C18orf54: variants seen among roughly 807,000 people sequenced by gnomAD.
C18orf54 encodes the protein lung adenoma susceptibility protein 2.
C18orf54 carries 49 observed loss-of-function variants against 49.3 expected under a neutral mutation model. The observed-to-expected ratio is 0.99, with a 90% CI of 0.79 to 1.26. C18orf54 has a LOEUF of 1.26. Ranked by LOEUF, C18orf54 falls within the 50% of genes most tolerant of loss-of-function variation. The pLI is 0.00. For missense variants in C18orf54, 687 were observed against 620.6 expected, an observed-to-expected ratio of 1.11 and a Z score of -1.14; for synonymous variants, 211 against 216.6, an observed-to-expected ratio of 0.97 and a Z score of 0.23.
chr18:54,363,019 T>G, intron 5 of C18orf54, 98 bp downstream of exon 5: 2 of 1,164,998 alleles, frequency 1.7e-6, no homozygotes, highest in South Asian at 1.5e-5. Flanking sequence ...TTAATAATAT[T>G]GTAACTCCAT....
At chr18:54,358,214 AGAG>A (rs1209691750) in intron 1 of C18orf54, 139 bp downstream of exon 1, 1 of 152,646 alleles carries the variant, frequency 6.6e-6, no homozygotes, top group East Asian at 1.9e-4. Flanking sequence ...TGGCGAGGAA[AGAG>A]GAGGAGACGT....
rs143622412 is a variant in C18orf54 at position 54,370,893 on chromosome 18, G to GCTAT, written c.1327-1570_1327-1567dup. Among the ~76,000 whole-genome samples, 77 of 151,134 alleles carry GCTAT rather than the reference G, an allele frequency of 5.1e-4. 2 individuals are homozygous for GCTAT. In the East Asian group the frequency reaches 0.011, roughly 22 times the overall value. ...ATCATTTGGAGATTATGCCTCAGATGCTATCTCCCAGGGTGTAGGAGTATA... is the reference window on the plus strand; with the variant it reads ...ATCATTTGGAGATTATGCCTCAGATGCTATCTATCTCCCAGGGTGTAGGAGTATA... On this transcript the variant is annotated intron_variant, in intron 6 of 8. Coordinates refer to ENST00000620105, the MANE Select transcript of C18orf54 (RefSeq NM_001288980.2).
chr18:54,376,211 A>G (rs2089567285), intron 8 of C18orf54, among the ~76,000 whole-genome samples: 1 of 152,146 alleles, frequency 6.6e-6, no homozygotes. Flanking sequence ...TTTAAGATAT[A>G]TTTCATTAGC....
chr18:54,369,048 GA>G, intron 6 of C18orf54, among the ~76,000 whole-genome samples: 2 of 152,230 alleles, frequency 1.3e-5, no homozygotes, highest in Middle Eastern at 6.8e-3. Flanking sequence ...ATGGCACTTA[GA>G]AACTAGGATC....
At chr18:54,360,912 T>G (rs770245504) in intron 3 of C18orf54, 57 bp downstream of exon 3, 8 of 1,478,708 alleles carry the variant, frequency 5.4e-6, no homozygotes, top group East Asian at 4.5e-5. Context: ...ATTTGGGAGA[T>G]GTACTGTAGT....
In C18orf54 at chr18:54,379,499, G is replaced by GTTTTT. The variant is rs58660603; in HGVS notation, c.*1267_*1271dup. On this transcript the variant is annotated 3_prime_UTR_variant, in exon 9 of 9. Coordinates refer to ENST00000620105, the MANE Select transcript of C18orf54 (RefSeq NM_001288980.2). ...CAAACACTACAGTGAGCTCTGTGGG[G>GTTTTT]TTTTTTTTTTTTTTTTTTGCCCGTG... The GTTTTT allele has an allele frequency of 8.0e-6, 1 of 124,586 alleles. No homozygotes were observed. Among genetic ancestry groups the GTTTTT allele is most frequent in the African/African-American group, 3.0e-5 (1 of 33,316 alleles). 7.7% of individuals were successfully genotyped at this position (124,586 alleles called of 1,614,324 possible). A position where few individuals can be genotyped will look rare whatever the true frequency, so the allele number is the denominator to read the frequency against.
In C18orf54 at chr18:54,378,219, G is replaced by A. The variant is rs561960087; in HGVS notation, c.1575G>A (p.Thr525=). 5.6e-6 allele frequency: 9 copies of A among 1,613,478 alleles called. No individual in the cohort carries two copies. The highest frequency in any genetic ancestry group is 2.2e-5 in the East Asian group (1 of 44,836). Residue 525 remains threonine (T), a synonymous_variant, in exon 9 of 9, where the codon ACG becomes ACA. Transcript: ENST00000620105. Reference sequence around the variant, plus strand: ...GCCTGAGAGACCTGGTTGATGATACGAATGGAGAACGGTCACCGAAAATGT... The same window carrying A: ...GCCTGAGAGACCTGGTTGATGATACAAATGGAGAACGGTCACCGAAAATGT... The part of the protein sequence containing the change: ...LSRLRDLVDD[T]NGERSPKM
chr18:54,375,741 G>C (rs1344707032), intron 8 of C18orf54, among the ~76,000 whole-genome samples: 1 of 151,838 alleles, frequency 6.6e-6, no homozygotes. Flanking sequence ...AGTCTTACCT[G>C]TATATGGAGT....
Position 54,381,315 on chromosome 18 carries a change from C to T in C18orf54, c.*3069C>T, listed in dbSNP as rs980897627. 8.6e-4 allele frequency: 97 copies of T among 113,344 alleles called. No homozygotes were observed. Among genetic ancestry groups the T allele is most frequent in the African/African-American group, 3.6e-3 (96 of 26,484 alleles). 7.0% of individuals were successfully genotyped at this position (113,344 alleles called of 1,614,324 possible). ...CCCAGTGTATTCTGCATTGTCCTTA[C>T]CCTAGATCAGCCCCTTCTGTGTTAA... On this transcript the variant is annotated 3_prime_UTR_variant, in exon 9 of 9. Transcript: ENST00000620105.
chr18:54,378,217 A>T lies in C18orf54; in HGVS notation c.1573A>T (p.Thr525Ser). 1 of 1,613,750 alleles carries T rather than the reference A, an allele frequency of 6.2e-7. No homozygotes were observed. The highest frequency in any genetic ancestry group is 8.5e-7 in the Non-Finnish European group (1 of 1,179,780). ...LSRLRDLVDD[T>S]NGERSPKM ...TCGCCTGAGAGACCTGGTTGATGATACGAATGGAGAACGGTCACCGAAAAT... is the reference window on the plus strand; with the variant it reads ...TCGCCTGAGAGACCTGGTTGATGATTCGAATGGAGAACGGTCACCGAAAAT... The change falls in exon 9 of 9, where the codon ACG becomes TCG. Residue 525 changes from threonine to serine, a missense_variant. By Grantham distance (58) the Thr-to-Ser change is moderately conservative (BLOSUM62 1). Transcript: ENST00000620105.
chr18:54,361,562 C>T (rs1176107515), intron 3 of C18orf54, 81 bp from the exon 4 acceptor site: 1 of 1,272,250 alleles, frequency 7.9e-7, no homozygotes, highest in African/African-American at 1.5e-5. Context: ...CAAAATGCCT[C>T]TTAAATTCTT....
intron 6 of C18orf54, 80 bp from the exon 7 acceptor site, chr18:54,372,386 G>T: frequency 1.6e-6 from 2 of 1,225,696 alleles, no homozygotes; most frequent in Admixed American, 2.9e-5. Context: ...TTTTCTATTG[G>T]GGAAATTAAT....
chr18:54,360,533 T>A lies in C18orf54; in HGVS notation c.-40T>A. On this transcript the variant is annotated 5_prime_UTR_variant, in exon 3 of 9. Transcript: ENST00000620105. ...TTTCGTTTTTGTATTACAGTTGTTT[T>A]TAAGGGAAATGAATAGAAACAATCC... The A allele has an allele frequency of 6.3e-7, 1 of 1,592,862 alleles. No individual in the cohort carries two copies. The highest frequency in any genetic ancestry group is 8.6e-7 in the Non-Finnish European group (1 of 1,168,440).
Position 54,381,529 on chromosome 18 carries a change from C to G in C18orf54, c.*3283C>G, listed in dbSNP as rs2089672771. The G allele has an allele frequency of 6.6e-6, 1 of 152,194 alleles. No homozygotes were observed. The highest frequency in any genetic ancestry group is 2.4e-5 in the African/African-American group (1 of 41,438). 9.4% of individuals were successfully genotyped at this position (152,194 alleles called of 1,614,324 possible). A position where few individuals can be genotyped will look rare whatever the true frequency, so the allele number is the denominator to read the frequency against. On this transcript the variant is annotated 3_prime_UTR_variant, in exon 9 of 9. Coordinates refer to ENST00000620105, the MANE Select transcript of C18orf54 (RefSeq NM_001288980.2). Reference sequence around the variant, plus strand: ...CCACTCTAACCTTACTGATTTGTTTCAGCAAATTTGCTTTAGTTAAATTGC... The same window carrying G: ...CCACTCTAACCTTACTGATTTGTTTGAGCAAATTTGCTTTAGTTAAATTGC...
At chr18:54,369,950 T>G (rs994167087) in intron 6 of C18orf54, among the ~76,000 whole-genome samples, 4 of 152,064 alleles carry the variant, frequency 2.6e-5, no homozygotes, top group African/African-American at 4.8e-5. Flanking sequence ...GTTCCACATC[T>G]GTAGATTCAA....
rs2089607478 is a variant in C18orf54 at position 54,378,159 on chromosome 18, T to C, written c.1530-15T>C. ...AATAACTGGTTTATAATGTGTTTTA[T>C]ACTTTTTAATGAAGGGCTTTGCACC... On this transcript the variant is annotated splice_polypyrimidine_tract_variant and intron_variant, in intron 8 of 8. Transcript: ENST00000620105. The C allele has an allele frequency of 6.2e-7, 1 of 1,608,594 alleles. No individual in the cohort carries two copies. Among genetic ancestry groups the C allele is most frequent in the Admixed American group, 1.7e-5 (1 of 59,744 alleles).
chr18:54,375,893 GCTTAGA>G (rs11276744), intron 8 of C18orf54, among the ~76,000 whole-genome samples: 111,582 of 151,584 alleles, frequency 0.74, 41,356 homozygotes, highest in African/African-American at 0.83. Context: ...AATGAAGTAA[GCTTAGA>G]CTTACAAAAG....
chr18:54,364,714 C>T (rs1310085757), intron 5 of C18orf54, among the ~76,000 whole-genome samples: 1 of 151,858 alleles, frequency 6.6e-6, no homozygotes, highest in Non-Finnish European at 1.5e-5. Flanking sequence ...CTTCAACAAT[C>T]TGGTAAATGT....
rs563406223 is a variant in C18orf54, at chr18:54,373,197, C to T, written c.1458+600C>T. On this transcript the variant is annotated intron_variant, in intron 7 of 8. Coordinates refer to ENST00000620105, the MANE Select transcript of C18orf54 (RefSeq NM_001288980.2). ...TTTAAGAACATAGAGTTTATATTTT[C>T]CCAAATATGATTGTGAATTCTGTCA... Among the ~76,000 whole-genome samples, 235 of 151,802 alleles carry T rather than the reference C, an allele frequency of 1.5e-3. 9 individuals carry two copies. The South Asian group carries it at 0.047, about 30-fold the overall frequency.
Sources: allele counts gnomAD v4.1 joint callset (sites outside exome capture counted in the v4.1 genomes callset), GRCh38; gene constraint gnomAD v4.1.1; transcripts MANE v1.5; gene names NCBI Gene and HGNC (gene_info 2026-07-23, HGNC 2026-07-21).